Variants in TSEN15 observed in about 807,000 individuals in gnomAD.
The protein encoded by TSEN15 is tRNA-splicing endonuclease subunit Sen15.
TSEN15 carries 10 observed loss-of-function variants against 20.5 expected under a neutral mutation model. That is an observed-to-expected ratio of 0.49 (90% CI 0.30 to 0.83). TSEN15 has a LOEUF of 0.83. Ranked by LOEUF, TSEN15 falls within the 40% of genes least tolerant of loss-of-function variation. The probability of loss-of-function intolerance (pLI) is 0.06; values close to 1 mark genes in which losing one functional copy is unlikely to be tolerated. For synonymous variants in TSEN15, 72 were observed against 80.1 expected (o/e 0.90, Z 0.54); for missense variants, 180 against 218.6 (o/e 0.82, Z 1.11).
At chr1:184,055,748 A>G (rs1329038522) in intron 3 of TSEN15, among the ~76,000 whole-genome samples, 2 of 152,140 alleles carry the variant, frequency 1.3e-5, no homozygotes, top group Non-Finnish European at 2.9e-5. Flanking sequence ...GTTTCATGAC[A>G]TACTCTCATT....
chr1:184,059,950 T>C (rs540297618), intron 3 of TSEN15, among the ~76,000 whole-genome samples: 51 of 152,344 alleles, frequency 3.3e-4, no homozygotes, highest in African/African-American at 1.2e-3. Context: ...TTGCAATGTG[T>C]AAGTTTTCAC....
chr1:184,054,021 A>G (rs541570760), intron 1 of TSEN15, among the ~76,000 whole-genome samples: 27 of 152,288 alleles, frequency 1.8e-4, no homozygotes, highest in African/African-American at 6.3e-4. Flanking sequence ...TCAGTGCTCA[A>G]CTTGTATCCC....
intron 3 of TSEN15, among the ~76,000 whole-genome samples, chr1:184,060,193 T>G (rs1650399746): frequency 6.6e-6 from 1 of 152,252 alleles, no homozygotes; most frequent in South Asian, 2.1e-4. Flanking sequence ...TTTGTTTTTA[T>G]TTTTTGACAG....
At chr1:184,058,055 C>T (rs1345211163) in intron 3 of TSEN15, 1 of 341,076 alleles carries the variant, frequency 2.9e-6, no homozygotes, top group African/African-American at 2.2e-5. Flanking sequence ...TGCATTTATT[C>T]CTAAAAAATA....
chr1:184,068,876 A>T (rs968486916), intron 3 of TSEN15, among the ~76,000 whole-genome samples: 1 of 152,190 alleles, frequency 6.6e-6, no homozygotes, highest in Non-Finnish European at 1.5e-5. Context: ...AGAGGATAGG[A>T]GATACTTTCT....
chr1:184,057,719 C>T (rs1424204190), intron 3 of TSEN15, among the ~76,000 whole-genome samples: 1 of 152,082 alleles, frequency 6.6e-6, no homozygotes. Context: ...TTGCAGATTT[C>T]TATGAAGTAT....
intron 3 of TSEN15, among the ~76,000 whole-genome samples, chr1:184,087,152 T>C (rs888831593): frequency 2.6e-5 from 4 of 152,198 alleles, no homozygotes; most frequent in Non-Finnish European, 4.4e-5. Flanking sequence ...GCCACATATG[T>C]AATTTAAAAT....
intron 3 of TSEN15, among the ~76,000 whole-genome samples, chr1:184,083,935 A>G (rs1651215698): frequency 6.6e-6 from 1 of 152,120 alleles, no homozygotes; most frequent in Non-Finnish European, 1.5e-5. Flanking sequence ...CCTGTTAAAA[A>G]CAACAACAAC....
intron 3 of TSEN15, among the ~76,000 whole-genome samples, chr1:184,080,999 A>G (rs528418430): frequency 1.3e-5 from 2 of 152,328 alleles, no homozygotes; most frequent in South Asian, 4.1e-4. Context: ...GTGGAAAGAC[A>G]ATTCCAAATA....
At chr1:184,095,631 TTCTCTCTCTCTC>T (rs56022269) in intron 3 of TSEN15, 11,834 of 383,788 alleles carry the variant, frequency 0.031, 210 homozygotes, top group African/African-American at 0.088. Flanking sequence ...TCTCTCCCCC[TTCTCTCTCTCTC>T]TCTCTCTCTC....
intron 3 of TSEN15, among the ~76,000 whole-genome samples, chr1:184,089,321 GTT>G (rs1319158586): frequency 6.6e-6 from 1 of 152,030 alleles, no homozygotes; most frequent in Non-Finnish European, 1.5e-5. Flanking sequence ...TCTGGGTTGT[GTT>G]TTGTTTTCTT....
intron 3 of TSEN15, among the ~76,000 whole-genome samples, chr1:184,084,944 C>A (rs1341365129): frequency 6.6e-6 from 1 of 151,978 alleles, no homozygotes; most frequent in Non-Finnish European, 1.5e-5. Context: ...CAGGCCTGAT[C>A]TTGCTGCTGC....
downstream of TSEN15, among the ~76,000 whole-genome samples, chr1:184,077,248 C>A (rs1158840041): frequency 6.6e-6 from 1 of 152,058 alleles, no homozygotes; most frequent in Non-Finnish European, 1.5e-5. Flanking sequence ...GAATTACGCC[C>A]AATCTACTCT....
intron 3 of TSEN15, among the ~76,000 whole-genome samples, chr1:184,092,272 A>T (rs994204786): frequency 6.6e-6 from 1 of 152,234 alleles, no homozygotes; most frequent in African/African-American, 2.4e-5. Context: ...TTCTCAACCC[A>T]TAGAAGGTAT....
chr1:184,069,188 A>G (rs1650795310), intron 3 of TSEN15, among the ~76,000 whole-genome samples: 1 of 152,190 alleles, frequency 6.6e-6, no homozygotes, highest in South Asian at 2.1e-4. Context: ...CTCCTCTATG[A>G]ACAGTTATGA....
intron 3 of TSEN15, among the ~76,000 whole-genome samples, chr1:184,085,717 A>G (rs1651251072): frequency 6.6e-6 from 1 of 152,160 alleles, no homozygotes; most frequent in Admixed American, 6.5e-5. Flanking sequence ...TGGGATCTGA[A>G]ATTTTGCATT....
intron 3 of TSEN15, among the ~76,000 whole-genome samples, chr1:184,067,924 C>CAAAAAAAAAAAAAAAAAAAA (rs71130650): frequency 1.8e-5 from 1 of 54,884 alleles, no homozygotes; most frequent in African/African-American, 9.3e-5. Context: ...CTCTCTCTCT[C>CAAAAAAAAAAAAAAAAAAAA]AAAAAAAAAA....
At chr1:184,052,721 A>G (rs895141518) in intron 1 of TSEN15, among the ~76,000 whole-genome samples, 2 of 152,138 alleles carry the variant, frequency 1.3e-5, no homozygotes, top group South Asian at 2.1e-4. Flanking sequence ...TTATCTTCCT[A>G]CTCTGTCCCC....
At chr1:184,078,548 G>C (rs1307407240), downstream of TSEN15, among the ~76,000 whole-genome samples, 1 of 152,036 alleles carries the variant, frequency 6.6e-6, no homozygotes, top group Non-Finnish European at 1.5e-5. Context: ...CTTTTCTGGA[G>C]TCTCTAATCA....
Sources: gnomAD v4.1 joint callset for allele counts (sites outside exome capture counted in the v4.1 genomes callset) on GRCh38, gnomAD v4.1.1 for gene constraint, MANE v1.5 for transcripts, NCBI Gene and HGNC (gene_info 2026-07-23, HGNC 2026-07-21) for gene names.